The following RASAL2 variants were observed in gnomAD, a reference collection of about 807,000 sequenced individuals.
RASAL2 encodes the protein ras GTPase-activating protein nGAP.
A neutral mutation model predicts 128.9 loss-of-function variants in RASAL2; 58 were observed. That is an observed-to-expected ratio of 0.45 (90% CI 0.36 to 0.56). The LOEUF (loss-of-function observed/expected upper bound fraction) is 0.56, where lower values mean the gene tolerates loss of function less well. RASAL2 is among the 20% of genes least tolerant of loss of function. The pLI is 0.00. For synonymous variants in RASAL2, 561 were observed against 580.8 expected (o/e 0.97, Z 0.49); for missense variants, 1,360 against 1,601.6 (o/e 0.85, Z 2.57).
At chr1:178,328,761 A>G (rs990485101) in intron 3 of RASAL2, among the ~76,000 whole-genome samples, 3 of 152,190 alleles carry the variant, frequency 2.0e-5, no homozygotes, top group African/African-American at 7.2e-5. Context: ...AAGTGGCAGA[A>G]CCAGAATTCA....
At chr1:178,222,650 A>G (rs1030504973) in intron 1 of RASAL2, among the ~76,000 whole-genome samples, 6 of 152,134 alleles carry the variant, frequency 3.9e-5, no homozygotes, top group Non-Finnish European at 5.9e-5. Context: ...TTATGAGAAT[A>G]TTTATTTTCT....
chr1:178,204,576 T>C (rs1303152368), intron 1 of RASAL2, among the ~76,000 whole-genome samples: 1 of 152,216 alleles, frequency 6.6e-6, no homozygotes, highest in East Asian at 1.9e-4. Context: ...CTTGCTGATG[T>C]TGATGATGGA....
intron 1 of RASAL2, among the ~76,000 whole-genome samples, chr1:178,108,881 CTA>C (rs1659195007): frequency 1.3e-5 from 2 of 152,208 alleles, no homozygotes; most frequent in Admixed American, 6.5e-5. Flanking sequence ...TGAGGAAGCT[CTA>C]TGTGGGTGAG....
chr1:178,450,096 G>T (rs918138227), intron 9 of RASAL2, among the ~76,000 whole-genome samples: 1 of 152,092 alleles, frequency 6.6e-6, no homozygotes, highest in Admixed American at 6.6e-5. Flanking sequence ...TATCTTGGGA[G>T]AATTGATAAC....
chr1:178,421,382 T>G (rs945247702), intron 5 of RASAL2, among the ~76,000 whole-genome samples: 4 of 152,106 alleles, frequency 2.6e-5, no homozygotes, highest in Non-Finnish European at 5.9e-5. Flanking sequence ...ATGTTCAAAA[T>G]TTTGGAAACA....
At chr1:178,420,393 G>A (rs1675065714) in intron 4 of RASAL2, 118 bp from the exon 5 acceptor site, 3 of 566,770 alleles carry the variant, frequency 5.3e-6, no homozygotes, top group African/African-American at 3.8e-5. Flanking sequence ...AAGCTTAAAA[G>A]CTAGTTTCTA....
rs770096480 is a variant in RASAL2 at position 178,094,582 on chromosome 1, C to G, written c.90C>G (p.Pro30=). The change falls in exon 1 of 18, where the codon CCC becomes CCG. Residue 30 remains proline, a synonymous_variant. Transcript: ENST00000367649. ...CGCTGGAGTCCGACTCGCCGCTGCCCCCGGAGGACCTGGACGCGGTTGTCC... is the reference window on the plus strand; with the variant it reads ...CGCTGGAGTCCGACTCGCCGCTGCCGCCGGAGGACCTGGACGCGGTTGTCC... ...FPALESDSPL[P]PEDLDAVVPV... The G allele has an allele frequency of 1.9e-6, 3 of 1,608,102 alleles. No individual in the cohort carries two copies. Among genetic ancestry groups the G allele is most frequent in the Admixed American group, 3.4e-5 (2 of 59,232 alleles).
At chr1:178,149,171 A>G (rs1660829632) in intron 1 of RASAL2, among the ~76,000 whole-genome samples, 1 of 152,154 alleles carries the variant, frequency 6.6e-6, no homozygotes, top group Non-Finnish European at 1.5e-5. Context: ...GGTATTAATG[A>G]TATGAAAATT....
At chr1:178,290,157 A>G (rs1477852443) in intron 2 of RASAL2, among the ~76,000 whole-genome samples, 2 of 152,212 alleles carry the variant, frequency 1.3e-5, no homozygotes, top group Non-Finnish European at 2.9e-5. Context: ...GCTTTTGAGC[A>G]AAGATTTTGT....
chr1:178,385,441 A>G (rs747095581), intron 3 of RASAL2, among the ~76,000 whole-genome samples: 1 of 152,116 alleles, frequency 6.6e-6, no homozygotes, highest in Non-Finnish European at 1.5e-5. Flanking sequence ...AAGAAAGAAA[A>G]AGAAAAGCAT....
intron 3 of RASAL2, among the ~76,000 whole-genome samples, chr1:178,336,600 T>C (rs1334995753): frequency 6.6e-6 from 1 of 151,880 alleles, no homozygotes; most frequent in African/African-American, 2.4e-5. Context: ...TGTATGTATA[T>C]GTATAATTAT....
intron 1 of RASAL2, among the ~76,000 whole-genome samples, chr1:178,276,251 G>T (rs1316755386): frequency 1.3e-5 from 2 of 152,136 alleles, no homozygotes; most frequent in Non-Finnish European, 2.9e-5. Context: ...TTTGTTTGTT[G>T]TTCTGGAAAT....
At chr1:178,123,621 A>G (rs893308886) in intron 1 of RASAL2, 1 of 152,204 alleles carries the variant, frequency 6.6e-6, no homozygotes, top group African/African-American at 2.4e-5. Flanking sequence ...TCTGAAATTG[A>G]TCCTGAATTT....
At chr1:178,248,186 A>G (rs1664866663) in intron 1 of RASAL2, among the ~76,000 whole-genome samples, 1 of 152,098 alleles carries the variant, frequency 6.6e-6, no homozygotes, top group Non-Finnish European at 1.5e-5. Context: ...ATCTCCAACT[A>G]TTATTGTGTG....
At chr1:178,167,513 C>T (rs1274054282) in intron 1 of RASAL2, among the ~76,000 whole-genome samples, 1 of 151,994 alleles carries the variant, frequency 6.6e-6, no homozygotes, top group African/African-American at 2.4e-5. Context: ...TACAGTTGAT[C>T]TTTGGACAAA....
chr1:178,462,438 G>A (rs1166729133), intron 14 of RASAL2, among the ~76,000 whole-genome samples: 2 of 151,976 alleles, frequency 1.3e-5, no homozygotes, highest in African/African-American at 4.8e-5. Flanking sequence ...TTGACTAATT[G>A]GAAAATAAGA....
At chr1:178,428,401 G>A (rs1420392920) in intron 5 of RASAL2, among the ~76,000 whole-genome samples, 3 of 151,426 alleles carry the variant, frequency 2.0e-5, no homozygotes, top group African/African-American at 4.9e-5. Context: ...GATAAGCAAT[G>A]TTTGCAGAGG....
At chr1:178,359,701 A>T (rs1474468544) in intron 3 of RASAL2, among the ~76,000 whole-genome samples, 2 of 152,154 alleles carry the variant, frequency 1.3e-5, no homozygotes, top group Non-Finnish European at 2.9e-5. Context: ...ACTTACTACC[A>T]TTTATTCTAT....
chr1:178,154,141 G>GAT (rs1661002406), intron 1 of RASAL2, among the ~76,000 whole-genome samples: 1 of 144,026 alleles, frequency 6.9e-6, no homozygotes, highest in Admixed American at 6.8e-5. Context: ...TGGCCTGATT[G>GAT]ATTTTTTTTT....
Sources: allele counts gnomAD v4.1 joint callset (sites outside exome capture counted in the v4.1 genomes callset), GRCh38; gene constraint gnomAD v4.1.1; transcripts MANE v1.5; gene names NCBI Gene and HGNC (gene_info 2026-07-23, HGNC 2026-07-21).